The following NRP1 variants were observed in gnomAD, a reference collection of about 807,000 sequenced individuals.
NRP1 encodes neuropilin 1.
In NRP1, 35 loss-of-function variants were observed where a neutral mutation model predicts 106.7. That is an observed-to-expected ratio of 0.33 (90% CI 0.25 to 0.43). The LOEUF (loss-of-function observed/expected upper bound fraction) is 0.43, where lower values mean the gene tolerates loss of function less well. Ranked by LOEUF, NRP1 falls within the 20% of genes least tolerant of loss-of-function variation. The pLI, the probability that NRP1 is intolerant of heterozygous loss-of-function variation, is 1.00. For missense variants in NRP1, 1,024 were observed against 1,170.4 expected (o/e 0.87, Z 1.83); for synonymous variants, 437 against 417.9 (o/e 1.05, Z -0.56).
At position 33,180,282 on chromosome 10, in the gene NRP1, G is replaced by T. The variant is rs761698307; in HGVS notation, c.2566C>A (p.Pro856Thr). 10 of 1,613,760 alleles carry T rather than the reference G, an allele frequency of 6.2e-6. No individual in the cohort carries two copies. In the African/African-American group the frequency reaches 1.2e-4, roughly 19 times the overall value. Residue 856 changes from proline to threonine, a missense_variant, in exon 17 of 17, where the codon CCC becomes ACC. This residue lies in a region of NRP1 where 164 missense variants were observed against 161.4 expected (regional missense o/e 1.02). Coordinates refer to ENST00000374867, the MANE Select transcript of NRP1 (RefSeq NM_003873.7). ...ATGGCTATGATGGTGATGAGGATGG[G>T]GTCTAAGGTCTTCAACACATTGCCT... ...KPGNVLKTLD[P>T]ILITIIAMSA...
At chr10:33,330,906 C>T (rs746628733) in intron 1 of NRP1, 24 bp from the exon 2 acceptor site, 4 of 1,572,818 alleles carry the variant, frequency 2.5e-6, no homozygotes, top group East Asian at 4.5e-5. Flanking sequence ...AAGATTTTAG[C>T]AGATCTTTCC....
At chr10:33,313,274 G>A (rs995520493) in intron 2 of NRP1, among the ~76,000 whole-genome samples, 1 of 152,156 alleles carries the variant, frequency 6.6e-6, no homozygotes, top group Admixed American at 6.5e-5. Context: ...GGAAGAGAAG[G>A]CTGTGTTGCA....
At chr10:33,313,754 C>T (rs1160469659) in intron 2 of NRP1, among the ~76,000 whole-genome samples, 5 of 152,046 alleles carry the variant, frequency 3.3e-5, no homozygotes, top group South Asian at 2.1e-4. Flanking sequence ...ACATGAAGAC[C>T]GCACCGTTAA....
intron 8 of NRP1, among the ~76,000 whole-genome samples, chr10:33,218,850 A>G (rs565245682): frequency 6.7e-6 from 1 of 148,178 alleles, no homozygotes; most frequent in South Asian, 2.1e-4. Flanking sequence ...GGCGTGCATA[A>G]AACTGCACTT....
rs1266291638 is a variant in NRP1 at position 33,334,500 on chromosome 10, C to G, written c.-118G>C. On this transcript the variant is annotated 5_prime_UTR_variant, in exon 1 of 17. Coordinates refer to ENST00000374867, the MANE Select transcript of NRP1 (RefSeq NM_003873.7). ...CCAACTCCGCCTAGAGCTGTACAAT[C>G]CTCAGCCCGTCTTGGAGAAAAGAAA... 2.7e-5 allele frequency: 22 copies of G among 819,238 alleles called. No homozygotes were observed. Among genetic ancestry groups the G allele is most frequent in the Non-Finnish European group, 4.0e-5 (21 of 526,542 alleles). 50.7% of individuals were successfully genotyped at this position (819,238 alleles called of 1,614,324 possible).
At chr10:33,310,913 G>C (rs899506458) in intron 2 of NRP1, among the ~76,000 whole-genome samples, 1 of 152,144 alleles carries the variant, frequency 6.6e-6, no homozygotes, top group Non-Finnish European at 1.5e-5. Flanking sequence ...TTCAATTTGT[G>C]CCACTTGAAG....
chr10:33,196,550 G>A (rs2247015), intron 12 of NRP1, among the ~76,000 whole-genome samples: 1 of 152,052 alleles, frequency 6.6e-6, no homozygotes, highest in Admixed American at 6.6e-5. Context: ...TGTGTAGGAC[G>A]ACACCATTTT....
intron 2 of NRP1, among the ~76,000 whole-genome samples, chr10:33,284,170 G>A (rs538926547): frequency 1.3e-5 from 2 of 152,342 alleles, no homozygotes; most frequent in Admixed American, 6.5e-5. Flanking sequence ...GAGAGAGAAT[G>A]TTGTTCTTTA....
chr10:33,303,168 A>G (rs1845923879), intron 2 of NRP1, among the ~76,000 whole-genome samples: 1 of 152,164 alleles, frequency 6.6e-6, no homozygotes, highest in Non-Finnish European at 1.5e-5. Context: ...GAGAGAACAA[A>G]GCTTTTCCTC....
intron 6 of NRP1, among the ~76,000 whole-genome samples, chr10:33,236,430 T>C (rs1840562244): frequency 6.6e-6 from 1 of 152,246 alleles, no homozygotes; most frequent in Non-Finnish European, 1.5e-5. Context: ...TATTGTGCTC[T>C]TCTAATATAA....
chr10:33,329,069 A>T (rs1297596285), intron 2 of NRP1, among the ~76,000 whole-genome samples: 3 of 152,212 alleles, frequency 2.0e-5, no homozygotes, highest in Admixed American at 6.5e-5. Flanking sequence ...AATCAAATAT[A>T]AAAGAAAACA....
intron 16 of NRP1, among the ~76,000 whole-genome samples, chr10:33,181,022 T>C (rs1257282171): frequency 6.6e-6 from 1 of 152,214 alleles, no homozygotes; most frequent in Non-Finnish European, 1.5e-5. Flanking sequence ...AGACATTTAC[T>C]AATAATCAGC....
intron 6 of NRP1, among the ~76,000 whole-genome samples, chr10:33,234,868 C>A (rs1432596055): frequency 2.0e-5 from 3 of 152,162 alleles, no homozygotes; most frequent in Non-Finnish European, 4.4e-5. Flanking sequence ...CTTGATCCAG[C>A]CAGTTAGAAT....
At chr10:33,283,373 A>C (rs1200934319) in intron 2 of NRP1, among the ~76,000 whole-genome samples, 1 of 152,140 alleles carries the variant, frequency 6.6e-6, no homozygotes, top group East Asian at 1.9e-4. Context: ...AAATTCTATT[A>C]AGTCAGAAGG....
chr10:33,330,998 A>G, intron 1 of NRP1, 116 bp from the exon 2 acceptor site: 1 of 858,952 alleles, frequency 1.2e-6, no homozygotes, highest in Non-Finnish European at 1.8e-6. Context: ...GGAACTCTAA[A>G]AGGTCCCCGT....
chr10:33,291,165 C>T (rs1189428600), intron 2 of NRP1, among the ~76,000 whole-genome samples: 1 of 152,170 alleles, frequency 6.6e-6, no homozygotes, highest in East Asian at 1.9e-4. Flanking sequence ...ACAAACCAAT[C>T]CATAAAACTA....
In NRP1 at chr10:33,180,250, G is replaced by A; in HGVS notation, c.2598C>T (p.Ala866=). The change falls in exon 17 of 17, where the codon GCC becomes GCT. Residue 866 remains alanine (A), a synonymous_variant. Transcript: ENST00000374867. Reference sequence around the variant, plus strand: ...AGACAGCCCCCAGGAGGACCCCCAGGGCACTCATGGCTATGATGGTGATGA... The same window carrying A: ...AGACAGCCCCCAGGAGGACCCCCAGAGCACTCATGGCTATGATGGTGATGA... ...PILITIIAMS[A]LGVLLGAVCG... is the part of the protein sequence containing the mutation. The A allele has an allele frequency of 1.2e-6, 2 of 1,614,050 alleles. No individual in the cohort carries two copies. The highest frequency in any genetic ancestry group is 1.7e-6 in the Non-Finnish European group (2 of 1,180,012).
At chr10:33,190,364 A>G (rs1836321538) in intron 13 of NRP1, among the ~76,000 whole-genome samples, 1 of 152,184 alleles carries the variant, frequency 6.6e-6, no homozygotes, top group African/African-American at 2.4e-5. Context: ...GTACAGTGCC[A>G]TTTACAGTCA....
intron 2 of NRP1, among the ~76,000 whole-genome samples, chr10:33,319,301 C>G (rs1427178384): frequency 6.6e-6 from 1 of 151,928 alleles, no homozygotes; most frequent in East Asian, 2.0e-4. Flanking sequence ...TCACCGCGCC[C>G]AGAGGACTTA....
Sources: allele counts gnomAD v4.1 joint callset (sites outside exome capture counted in the v4.1 genomes callset), GRCh38; gene constraint gnomAD v4.1.1; regional missense constraint gnomAD v4.1.1; transcripts MANE v1.5; gene names NCBI Gene and HGNC (gene_info 2026-07-23, HGNC 2026-07-21).